PTPRT: variants seen among roughly 807,000 people sequenced by gnomAD.
PTPRT encodes the protein receptor-type tyrosine-protein phosphatase T.
In PTPRT, 56 loss-of-function variants were observed where a neutral mutation model predicts 176.8. The observed-to-expected ratio is 0.32, with a 90% CI of 0.26 to 0.40. The LOEUF (loss-of-function observed/expected upper bound fraction) is 0.40. Among genes scored for constraint, PTPRT ranks in the 10% least tolerant of loss-of-function variants. PTPRT has a pLI of 1.00. For synonymous variants in PTPRT, 783 were observed against 739.0 expected, an observed-to-expected ratio of 1.06 and a Z score of -0.96; for missense variants, 1,540 against 1,908.2, an observed-to-expected ratio of 0.81 and a Z score of 3.60.
At chr20:43,178,958 A>T (rs1359670070) in intron 1 of PTPRT, among the ~76,000 whole-genome samples, 1 of 152,194 alleles carries the variant, frequency 6.6e-6, no homozygotes, top group Non-Finnish European at 1.5e-5. Flanking sequence ...ACCATCATAC[A>T]TTGGTGCCTC....
In PTPRT at chr20:42,554,276, C is replaced by T. The variant is rs377239609; in HGVS notation, c.1154-81714G>A. 5.3e-5 allele frequency among the ~76,000 whole-genome samples: 8 copies of T among 152,132 alleles called. No individual in the cohort carries two copies. The South Asian group carries it at 1.0e-3, about 20-fold the overall frequency. On this transcript the variant is annotated intron_variant, in intron 7 of 30. Transcript: ENST00000373187. The stretch of plus-strand genomic sequence containing the variant: ...TGTGTATCCAAAAAGCACTTGTACC[C>T]CCAAACCTACTGAAATTCTTAAAAA...
chr20:42,517,721 T>G (rs748028045), intron 7 of PTPRT, among the ~76,000 whole-genome samples: 2 of 152,016 alleles, frequency 1.3e-5, no homozygotes, highest in Non-Finnish European at 2.9e-5. Flanking sequence ...TTTTCCAATT[T>G]TCACTGTGAT....
chr20:43,177,144 A>G (rs1047363783), intron 1 of PTPRT, among the ~76,000 whole-genome samples: 19 of 152,230 alleles, frequency 1.2e-4, no homozygotes, highest in African/African-American at 4.1e-4. Context: ...GCCCACCACA[A>G]TGGCCACATT....
At chr20:42,742,665 G>A (rs989738855) in intron 6 of PTPRT, among the ~76,000 whole-genome samples, 1 of 152,184 alleles carries the variant, frequency 6.6e-6, no homozygotes, top group African/African-American at 2.4e-5. Flanking sequence ...TGTGTGCCCA[G>A]AAGGAAAAAT....
chr20:43,179,571 A>C (rs1427989776), intron 1 of PTPRT, among the ~76,000 whole-genome samples: 3 of 152,178 alleles, frequency 2.0e-5, no homozygotes, highest in Non-Finnish European at 4.4e-5. Context: ...TTGGGGGTAA[A>C]GGTTGAAAAG....
chr20:42,193,420 G>A (rs181622284), intron 16 of PTPRT, among the ~76,000 whole-genome samples: 22 of 152,316 alleles, frequency 1.4e-4, no homozygotes, highest in African/African-American at 4.6e-4. Context: ...CCTTTCTCCC[G>A]GCTGTCAGTG....
intron 7 of PTPRT, among the ~76,000 whole-genome samples, chr20:42,633,787 ATATATAT>A (rs2074468102): frequency 1.7e-4 from 2 of 11,564 alleles, no homozygotes; most frequent in African/African-American, 5.4e-4. Context: ...CTCTGAAAAT[ATATATAT>A]ATATATATAT....
At chr20:42,961,644 T>G (rs1354974521) in intron 1 of PTPRT, among the ~76,000 whole-genome samples, 3 of 152,124 alleles carry the variant, frequency 2.0e-5, no homozygotes, top group Non-Finnish European at 4.4e-5. Context: ...AGGAAGAGCA[T>G]GTGGGAGGGG....
intron 5 of PTPRT, among the ~76,000 whole-genome samples, chr20:42,764,446 C>T (rs1051613479): frequency 4.6e-5 from 7 of 152,166 alleles, no homozygotes; most frequent in South Asian, 4.2e-4. Context: ...TCTGGTTCAG[C>T]GGCCAATAAA....
rs578244058 is a variant in PTPRT at position 43,021,668 on chromosome 20, C to G, written c.89-135736G>C. On this transcript the variant is annotated intron_variant, in intron 1 of 30. Coordinates refer to ENST00000373187, the MANE Select transcript of PTPRT (RefSeq NM_007050.6). ...CTAGCCCTAACAGAAGAGATACAGA[C>G]AGTTAAGGTATTCAGATCACTGAAG... Among the ~76,000 whole-genome samples, 222 of 152,204 alleles carry G rather than the reference C, an allele frequency of 1.5e-3. 1 individual carries two copies. Among genetic ancestry groups the G allele is most frequent in the Non-Finnish European group, 2.9e-3 (197 of 68,024 alleles).
intron 1 of PTPRT, among the ~76,000 whole-genome samples, chr20:43,148,413 T>C (rs2014239262): frequency 6.6e-6 from 1 of 152,138 alleles, no homozygotes; most frequent in Admixed American, 6.6e-5. Context: ...CCCTAGTTCT[T>C]GCCCCATGAT....
chr20:42,905,519 A>G (rs1008995195), intron 1 of PTPRT, among the ~76,000 whole-genome samples: 1 of 152,324 alleles, frequency 6.6e-6, no homozygotes, highest in African/African-American at 2.4e-5. Context: ...CGATTCCTCA[A>G]GGATCTAGAA....
At chr20:42,211,801 A>C (rs2055637126) in intron 15 of PTPRT, among the ~76,000 whole-genome samples, 1 of 150,846 alleles carries the variant, frequency 6.6e-6, no homozygotes, top group African/African-American at 2.4e-5. Flanking sequence ...TACTGGGTAT[A>C]TACCCAAAGG....
chr20:42,345,041 C>A (rs1478238861), intron 11 of PTPRT, among the ~76,000 whole-genome samples: 2 of 152,166 alleles, frequency 1.3e-5, no homozygotes, highest in African/African-American at 4.8e-5. Flanking sequence ...TGCCTCTCTA[C>A]TGAACTCTCA....
chr20:42,867,822 C>T (rs2078775158), intron 2 of PTPRT, among the ~76,000 whole-genome samples: 1 of 151,474 alleles, frequency 6.6e-6, no homozygotes, highest in African/African-American at 2.4e-5. Flanking sequence ...GCTGGGATTA[C>T]AGGTGCCTGC....
intron 1 of PTPRT, among the ~76,000 whole-genome samples, chr20:42,978,398 G>C (rs1363992888): frequency 1.3e-5 from 2 of 152,168 alleles, no homozygotes; most frequent in East Asian, 1.9e-4. Context: ...AGAGAATACA[G>C]GGTCAAAGAG....
intron 7 of PTPRT, among the ~76,000 whole-genome samples, chr20:42,581,441 G>A (rs2073368861): frequency 1.3e-5 from 2 of 151,802 alleles, no homozygotes; most frequent in South Asian, 2.1e-4. Flanking sequence ...TTGTTTATTG[G>A]TGCATCCAAA....
chr20:42,817,075 G>A (rs544004712), intron 2 of PTPRT, among the ~76,000 whole-genome samples: 2 of 152,204 alleles, frequency 1.3e-5, no homozygotes, highest in Non-Finnish European at 2.9e-5. Context: ...GATTACCAGT[G>A]GTAGACATAA....
At chr20:43,061,387 C>A (rs544064356) in intron 1 of PTPRT, among the ~76,000 whole-genome samples, 1 of 152,208 alleles carries the variant, frequency 6.6e-6, no homozygotes, top group Non-Finnish European at 1.5e-5. Flanking sequence ...CAGAACTCAA[C>A]GGTCTTGAGT....
Sources: allele counts gnomAD v4.1 joint callset (sites outside exome capture counted in the v4.1 genomes callset), GRCh38; gene constraint gnomAD v4.1.1; transcripts MANE v1.5; gene names NCBI Gene and HGNC (gene_info 2026-07-23, HGNC 2026-07-21).